BICDL1: variants seen among roughly 807,000 people sequenced by gnomAD.
The protein encoded by BICDL1 is BICD family-like cargo adapter 1.
BICDL1 carries 20 observed loss-of-function variants against 76.8 expected under a neutral mutation model. That is an observed-to-expected ratio of 0.26 (90% CI 0.18 to 0.38). The LOEUF (loss-of-function observed/expected upper bound fraction) is 0.38. Among genes scored for constraint, BICDL1 ranks in the 10% least tolerant of loss-of-function variants. The pLI is 1.00. For synonymous variants in BICDL1, 383 were observed against 337.1 expected, an observed-to-expected ratio of 1.14 and a Z score of -1.49; for missense variants, 700 against 798.6, an observed-to-expected ratio of 0.88 and a Z score of 1.49.
At chr12:120,041,361 A>G (rs949866202) in intron 2 of BICDL1, among the ~76,000 whole-genome samples, 4 of 152,192 alleles carry the variant, frequency 2.6e-5, no homozygotes, top group African/African-American at 9.6e-5. Flanking sequence ...TGGGGGTTTT[A>G]CAGACCGTTT....
chr12:120,086,229 A>G (rs1874402385), intron 8 of BICDL1, among the ~76,000 whole-genome samples: 1 of 152,202 alleles, frequency 6.6e-6, no homozygotes, highest in South Asian at 2.1e-4. Flanking sequence ...CTGGCTGGGC[A>G]GTTAGGTTAC....
intron 2 of BICDL1, among the ~76,000 whole-genome samples, chr12:120,021,200 C>T (rs1173185788): frequency 6.6e-6 from 1 of 151,884 alleles, no homozygotes. Context: ...ATAACAATTG[C>T]TTGAACCCAG....
intron 2 of BICDL1, among the ~76,000 whole-genome samples, chr12:120,014,008 C>CT (rs1416708865): frequency 6.6e-6 from 1 of 152,176 alleles, no homozygotes; most frequent in Non-Finnish European, 1.5e-5. Flanking sequence ...GAAGAAAGCA[C>CT]TAAGGCCGTA....
chr12:120,018,071 C>G (rs1482321208), intron 2 of BICDL1, among the ~76,000 whole-genome samples: 3 of 152,180 alleles, frequency 2.0e-5, no homozygotes, highest in African/African-American at 7.2e-5. Flanking sequence ...TTAGTAAATG[C>G]TATTCCTGTG....
intron 2 of BICDL1, among the ~76,000 whole-genome samples, chr12:120,020,941 G>T (rs977483262): frequency 6.8e-6 from 1 of 146,010 alleles, no homozygotes; most frequent in Non-Finnish European, 1.5e-5. Flanking sequence ...GGCCATCTTT[G>T]TATGGCCCTT....
At chr12:120,035,819 C>A (rs1952520807) in intron 2 of BICDL1, among the ~76,000 whole-genome samples, 1 of 152,176 alleles carries the variant, frequency 6.6e-6, no homozygotes, top group Admixed American at 6.5e-5. Flanking sequence ...TCTTCTTCCC[C>A]CAAGAGGAAC....
intron 2 of BICDL1, among the ~76,000 whole-genome samples, chr12:120,026,621 T>C (rs1952308665): frequency 6.6e-6 from 1 of 152,202 alleles, no homozygotes. Flanking sequence ...ACACTAATGA[T>C]GGAGGCAAAG....
chr12:120,010,285 A>C (rs942006485), intron 2 of BICDL1, among the ~76,000 whole-genome samples: 3 of 152,234 alleles, frequency 2.0e-5, no homozygotes, highest in African/African-American at 4.8e-5. Context: ...AAATCAACTA[A>C]ATTCACAAAT....
chr12:120,021,025 G>C (rs1470457136), intron 2 of BICDL1, among the ~76,000 whole-genome samples: 1 of 152,200 alleles, frequency 6.6e-6, no homozygotes, highest in African/African-American at 2.4e-5. Flanking sequence ...GTCTACACCT[G>C]TAATCCCAAC....
intron 3 of BICDL1, among the ~76,000 whole-genome samples, chr12:120,063,903 G>A (rs1200824846): frequency 6.6e-6 from 1 of 152,174 alleles, no homozygotes; most frequent in African/African-American, 2.4e-5. Context: ...CTTGAGGCCA[G>A]AGGAGACTTG....
At position 120,094,305 on chromosome 12, in the gene BICDL1, G is replaced by C. The variant is rs545012687; in HGVS notation, c.*1144G>C. ...TGGGGAAAGCACAGCAGGGATGCGC[G>C]GCAAGAATGTACCTGTAGATGTGTA... On this transcript the variant is annotated 3_prime_UTR_variant, in exon 10 of 10. Transcript: ENST00000548673. The C allele has an allele frequency of 4.4e-6, 2 of 456,636 alleles. No homozygotes were observed. Among genetic ancestry groups the C allele is most frequent in the East Asian group, 6.9e-5 (1 of 14,412 alleles). The allele number at this position is 456,636 out of a possible 1,614,324, so 28.3% of individuals were successfully genotyped here. A position where few individuals can be genotyped will look rare whatever the true frequency, so the allele number is the denominator to read the frequency against.
At chr12:120,020,780 G>A (rs1334993940) in intron 2 of BICDL1, among the ~76,000 whole-genome samples, 1 of 152,138 alleles carries the variant, frequency 6.6e-6, no homozygotes, top group East Asian at 1.9e-4. Flanking sequence ...ACAATGGGAG[G>A]GGTTTACTTT....
At chr12:119,990,824 G>T (rs1422859715) in intron 1 of BICDL1, among the ~76,000 whole-genome samples, 4 of 152,218 alleles carry the variant, frequency 2.6e-5, no homozygotes, top group African/African-American at 9.6e-5. Context: ...ATTAGGAAAT[G>T]TGGTTCCATT....
intron 2 of BICDL1, among the ~76,000 whole-genome samples, chr12:120,036,458 C>T (rs1204798131): frequency 2.0e-5 from 3 of 152,184 alleles, no homozygotes; most frequent in Non-Finnish European, 2.9e-5. Flanking sequence ...GTACTGGGAG[C>T]GTTAGACTTG....
intron 2 of BICDL1, among the ~76,000 whole-genome samples, chr12:120,005,331 A>C (rs1951830736): frequency 6.6e-6 from 1 of 152,166 alleles, no homozygotes; most frequent in African/African-American, 2.4e-5. Flanking sequence ...ACACACATGC[A>C]CACATGTTGT....
intron 2 of BICDL1, among the ~76,000 whole-genome samples, chr12:120,000,821 A>G (rs1272887650): frequency 6.6e-6 from 1 of 152,198 alleles, no homozygotes; most frequent in African/African-American, 2.4e-5. Flanking sequence ...TGTAAAAATT[A>G]TGCCTCATAC....
chr12:120,074,633 C>T (rs1873393784), intron 7 of BICDL1, 47 bp downstream of exon 7: 2 of 1,043,330 alleles, frequency 1.9e-6, no homozygotes, highest in Non-Finnish European at 1.2e-6. Flanking sequence ...TGCACCTGCC[C>T]CTGGCTCTCT....
chr12:120,033,501 C>T (rs879273656), intron 2 of BICDL1, among the ~76,000 whole-genome samples: 2 of 151,558 alleles, frequency 1.3e-5, no homozygotes, highest in Non-Finnish European at 2.9e-5. Context: ...CTCAGCCTCC[C>T]AAGTAGCTGG....
At chr12:120,001,634 C>A (rs187051816) in intron 2 of BICDL1, among the ~76,000 whole-genome samples, 1 of 152,266 alleles carries the variant, frequency 6.6e-6, no homozygotes, top group Admixed American at 6.5e-5. Flanking sequence ...TTCTTTGATA[C>A]CTTCGTCCAG....
Sources: gnomAD v4.1 joint callset for allele counts (sites outside exome capture counted in the v4.1 genomes callset) on GRCh38, gnomAD v4.1.1 for gene constraint, MANE v1.5 for transcripts, NCBI Gene and HGNC (gene_info 2026-07-23, HGNC 2026-07-21) for gene names.